The following GABRB1 variants were observed in gnomAD, a reference collection of about 807,000 sequenced individuals.
The protein encoded by GABRB1 is gamma-aminobutyric acid type A receptor subunit beta1.
GABRB1 carries 17 observed loss-of-function variants against 51.6 expected under a neutral mutation model. The observed-to-expected ratio is 0.33, with a 90% CI of 0.23 to 0.49. GABRB1 has a LOEUF of 0.49. Among genes scored for constraint, GABRB1 ranks in the 20% least tolerant of loss-of-function variants. GABRB1 has a pLI of 0.99. For synonymous variants in GABRB1, 247 were observed against 218.9 expected, an observed-to-expected ratio of 1.13 and a Z score of -1.14; for missense variants, 410 against 600.6, an observed-to-expected ratio of 0.68 and a Z score of 3.32.
At chr4:47,108,946 T>G (rs1382812371) in intron 3 of GABRB1, among the ~76,000 whole-genome samples, 1 of 152,076 alleles carries the variant, frequency 6.6e-6, no homozygotes. Context: ...TATAGAAAGT[T>G]TGCTTCCCGA....
intron 4 of GABRB1, among the ~76,000 whole-genome samples, chr4:47,256,911 A>C (rs988361896): frequency 7.2e-5 from 11 of 152,180 alleles, no homozygotes; most frequent in Non-Finnish European, 1.6e-4. Flanking sequence ...ACATTCTATA[A>C]AGTAGGTACT....
At chr4:47,184,687 T>C (rs1019200425) in intron 4 of GABRB1, among the ~76,000 whole-genome samples, 1 of 151,848 alleles carries the variant, frequency 6.6e-6, no homozygotes, top group Non-Finnish European at 1.5e-5. Context: ...ATACATCGTA[T>C]TGAGCTGAGA....
chr4:47,333,969 T>C (rs1725597267), intron 5 of GABRB1, among the ~76,000 whole-genome samples: 1 of 152,160 alleles, frequency 6.6e-6, no homozygotes, highest in Non-Finnish European at 1.5e-5. Flanking sequence ...ACCTACAATG[T>C]AGACAAAAAA....
At chr4:47,233,035 C>T (rs1457210269) in intron 4 of GABRB1, among the ~76,000 whole-genome samples, 1 of 151,954 alleles carries the variant, frequency 6.6e-6, no homozygotes, top group African/African-American at 2.4e-5. Flanking sequence ...CTGCCATGCC[C>T]AGCTAATTTT....
intron 4 of GABRB1, among the ~76,000 whole-genome samples, chr4:47,286,639 G>T (rs1723521639): frequency 6.6e-6 from 1 of 152,148 alleles, no homozygotes; most frequent in Admixed American, 6.5e-5. Flanking sequence ...ATTGAGCTTA[G>T]ATAGTAAGTA....
chr4:47,305,668 T>A (rs1724439185), intron 4 of GABRB1, among the ~76,000 whole-genome samples: 1 of 152,118 alleles, frequency 6.6e-6, no homozygotes, highest in East Asian at 1.9e-4. Flanking sequence ...TATGTGTCAG[T>A]TTCAAACACC....
rs1161604724 is a variant in GABRB1, at chr4:47,370,038, A to ACAGTTCTTT, written c.545-33280_545-33279insCAGTTCTTT. 3.0e-3 allele frequency among the ~76,000 whole-genome samples: 455 copies of ACAGTTCTTT among 152,236 alleles called. 2 individuals are homozygous for ACAGTTCTTT. The highest frequency in any genetic ancestry group is 0.01 in the African/African-American group (434 of 41,540). On this transcript the variant is annotated intron_variant, in intron 5 of 8. Coordinates refer to ENST00000295454, the MANE Select transcript of GABRB1 (RefSeq NM_000812.4). ...AAAGATGCTTCTCTTCAATTTCCTA[A>ACAGTTCTTT]AGAACTGTCCCAAACCTGATTTCCT...
chr4:47,034,982 A>G (rs780353888), intron 3 of GABRB1, among the ~76,000 whole-genome samples: 4 of 152,190 alleles, frequency 2.6e-5, no homozygotes, highest in Admixed American at 6.5e-5. Context: ...TTAAATGACA[A>G]GAATATAACA....
intron 3 of GABRB1, among the ~76,000 whole-genome samples, chr4:47,063,940 T>G (rs1306265485): frequency 6.6e-6 from 1 of 152,068 alleles, no homozygotes; most frequent in Non-Finnish European, 1.5e-5. Flanking sequence ...ATGCTGGGCT[T>G]AATACCTAGG....
intron 4 of GABRB1, among the ~76,000 whole-genome samples, chr4:47,217,615 A>T (rs1720604738): frequency 6.6e-6 from 1 of 150,862 alleles, no homozygotes; most frequent in South Asian, 2.1e-4. Flanking sequence ...ATAGAAATAG[A>T]TTCTCTCATA....
chr4:47,121,571 T>C (rs1362374552), intron 3 of GABRB1, among the ~76,000 whole-genome samples: 1 of 152,160 alleles, frequency 6.6e-6, no homozygotes, highest in Non-Finnish European at 1.5e-5. Context: ...CTAAATAGAA[T>C]GTGATTTTCA....
At chr4:47,059,363 A>AAT (rs1726752128) in intron 3 of GABRB1, among the ~76,000 whole-genome samples, 1 of 152,126 alleles carries the variant, frequency 6.6e-6, no homozygotes. Flanking sequence ...TTTGAGAAGG[A>AAT]GTCTTGTTAC....
chr4:47,219,935 C>T (rs997496046), intron 4 of GABRB1, among the ~76,000 whole-genome samples: 1 of 151,854 alleles, frequency 6.6e-6, no homozygotes, highest in African/African-American at 2.4e-5. Flanking sequence ...CTAGATCTCA[C>T]ATTCAGCCAT....
chr4:47,132,398 TTTGGTTTGG>T (rs1716458791), intron 3 of GABRB1, among the ~76,000 whole-genome samples: 17 of 1,294 alleles, frequency 0.013, no homozygotes, highest in South Asian at 0.033. Flanking sequence ...TTTGTTTTGG[TTTGGTTTGG>T]TTTGGTTTGG....
At chr4:47,333,947 T>C (rs1725596040) in intron 5 of GABRB1, among the ~76,000 whole-genome samples, 1 of 152,228 alleles carries the variant, frequency 6.6e-6, no homozygotes, top group Admixed American at 6.5e-5. Flanking sequence ...TCCCAGGATT[T>C]AGATTATGTG....
At chr4:46,994,449 G>A (rs1189686598) in intron 1 of GABRB1, 6 of 151,736 alleles carry the variant, frequency 4.0e-5, no homozygotes, top group Non-Finnish European at 8.7e-5. Flanking sequence ...GAGAGTGGGG[G>A]GGGAAAGAGA....
At chr4:47,128,212 T>A (rs1166293839) in intron 3 of GABRB1, among the ~76,000 whole-genome samples, 1 of 151,782 alleles carries the variant, frequency 6.6e-6, no homozygotes, top group African/African-American at 2.4e-5. Flanking sequence ...ATAAACATCC[T>A]ACAAATCAAA....
chr4:47,031,367 G>A, upstream of GABRB1: 1 of 462,530 alleles, frequency 2.2e-6, no homozygotes. Context: ...TCCAATGCAT[G>A]AAGGAAACTC....
chr4:47,250,611 A>G (rs969225981), intron 4 of GABRB1, among the ~76,000 whole-genome samples: 5 of 152,086 alleles, frequency 3.3e-5, no homozygotes, highest in African/African-American at 4.8e-5. Flanking sequence ...TGGTCATTTA[A>G]CATAATCCCA....
Sources: allele counts gnomAD v4.1 joint callset (sites outside exome capture counted in the v4.1 genomes callset), GRCh38; gene constraint gnomAD v4.1.1; transcripts MANE v1.5; gene names NCBI Gene and HGNC (gene_info 2026-07-23, HGNC 2026-07-21).